ZRANB3: variants seen among roughly 807,000 people sequenced by gnomAD.
ZRANB3 encodes the protein zinc finger RANBP2-type containing 3, also known as DNA annealing helicase and endonuclease ZRANB3.
A neutral mutation model predicts 133.8 loss-of-function variants in ZRANB3; 125 were observed. The ratio of observed to expected loss-of-function variants is 0.93; its 90% confidence interval spans 0.81 to 1.08. ZRANB3 has a LOEUF of 1.08. Among genes scored for constraint, ZRANB3 ranks in the 50% least tolerant of loss-of-function variants. The pLI, the probability that ZRANB3 is intolerant of heterozygous loss-of-function variation, is 0.00. For synonymous variants in ZRANB3, 387 were observed against 432.7 expected (o/e 0.89, Z 1.31); for missense variants, 1,229 against 1,275.5 (o/e 0.96, Z 0.56).
At chr2:135,230,412 G>A in intron 13 of ZRANB3, 101 bp downstream of exon 13, 1 of 1,082,784 alleles carries the variant, frequency 9.2e-7, no homozygotes, top group Non-Finnish European at 1.2e-6. Flanking sequence ...AAGTTGTGCT[G>A]AGTCACACTA....
chr2:135,268,566 A>AT (rs1322181076), intron 11 of ZRANB3, among the ~76,000 whole-genome samples: 1 of 152,116 alleles, frequency 6.6e-6, no homozygotes, highest in African/African-American at 2.4e-5. Flanking sequence ...TCATTCCTAC[A>AT]TTTTCTAGAG....
chr2:135,402,944 C>T (rs748727739), intron 2 of ZRANB3, among the ~76,000 whole-genome samples: 6 of 152,052 alleles, frequency 3.9e-5, no homozygotes, highest in African/African-American at 1.2e-4. Context: ...GGCCATTCTT[C>T]CACTGCTATA....
At chr2:135,511,956 T>C in intron 1 of ZRANB3, 1 of 737,158 alleles carries the variant, frequency 1.4e-6, no homozygotes, top group Non-Finnish European at 2.5e-6. Context: ...CTTTGGTCAA[T>C]TCAAACTGAG....
At chr2:135,322,653 G>A (rs554483433) in intron 6 of ZRANB3, among the ~76,000 whole-genome samples, 2 of 152,102 alleles carry the variant, frequency 1.3e-5, no homozygotes, top group South Asian at 4.1e-4. Context: ...AGGAGGTTGA[G>A]GCTACAGTAA....
At chr2:135,525,429 C>T (rs531072106) in intron 1 of ZRANB3, among the ~76,000 whole-genome samples, 7 of 152,308 alleles carry the variant, frequency 4.6e-5, no homozygotes, top group South Asian at 2.1e-4. Context: ...AAAAAACCTA[C>T]TTCTAAAAGG....
intron 2 of ZRANB3, among the ~76,000 whole-genome samples, chr2:135,478,111 T>C (rs1436572000): frequency 6.6e-6 from 1 of 152,164 alleles, no homozygotes; most frequent in African/African-American, 2.4e-5. Flanking sequence ...TTCTTTTTGA[T>C]AAATTACCTA....
intron 8 of ZRANB3, among the ~76,000 whole-genome samples, chr2:135,296,497 GT>G (rs1245722969): frequency 6.6e-6 from 1 of 151,770 alleles, no homozygotes; most frequent in Non-Finnish European, 1.5e-5. Flanking sequence ...TTTTTTCAAG[GT>G]TTTTAACTTC....
At chr2:135,289,406 C>T (rs1403159123) in intron 8 of ZRANB3, among the ~76,000 whole-genome samples, 2 of 152,076 alleles carry the variant, frequency 1.3e-5, no homozygotes, top group Non-Finnish European at 2.9e-5. Flanking sequence ...TAGGTGCCTG[C>T]CACTGCGCAC....
intron 2 of ZRANB3, among the ~76,000 whole-genome samples, chr2:135,503,945 G>A (rs933764418): frequency 2.6e-5 from 4 of 151,964 alleles, no homozygotes; most frequent in Non-Finnish European, 5.9e-5. Flanking sequence ...ACTCCAGCCT[G>A]GGTGAAAGGG....
chr2:135,404,295 G>C (rs941387130), intron 2 of ZRANB3, among the ~76,000 whole-genome samples: 2 of 152,216 alleles, frequency 1.3e-5, no homozygotes, highest in Admixed American at 6.5e-5. Context: ...CGAGAACTAT[G>C]TGACAAATGT....
intron 12 of ZRANB3, among the ~76,000 whole-genome samples, chr2:135,260,649 CTATATATACTTGAATT>C (rs1010379993): frequency 4.8e-5 from 7 of 144,910 alleles, no homozygotes; most frequent in Non-Finnish European, 9.0e-5. Context: ...TATATATGTA[CTATATATACTTGAATT>C]TATATATACT....
chr2:135,420,039 C>T (rs1688764328), intron 2 of ZRANB3, among the ~76,000 whole-genome samples: 1 of 140,458 alleles, frequency 7.1e-6, no homozygotes. Flanking sequence ...TATATATGTA[C>T]CTTTTGTGTA....
chr2:135,420,817 GT>G (rs1688814442), intron 2 of ZRANB3, among the ~76,000 whole-genome samples: 1 of 152,154 alleles, frequency 6.6e-6, no homozygotes, highest in South Asian at 2.1e-4. Flanking sequence ...AGAAAAAGAT[GT>G]TTTTATGTAA....
chr2:135,382,030 C>A (rs1239790340), intron 3 of ZRANB3, among the ~76,000 whole-genome samples: 2 of 151,930 alleles, frequency 1.3e-5, no homozygotes, highest in African/African-American at 2.4e-5. Context: ...AGGCTTCAGA[C>A]GATCAAACTT....
intron 12 of ZRANB3, among the ~76,000 whole-genome samples, chr2:135,239,336 C>A (rs1017459356): frequency 6.6e-6 from 1 of 150,992 alleles, no homozygotes; most frequent in Non-Finnish European, 1.5e-5. Context: ...GGGTGCACAA[C>A]ACACTGTGAA....
chr2:135,509,288 G>A (rs568034661), intron 1 of ZRANB3, among the ~76,000 whole-genome samples: 3 of 152,228 alleles, frequency 2.0e-5, no homozygotes, highest in African/African-American at 7.2e-5. Flanking sequence ...TACAAATGCT[G>A]AACCATTTAG....
At chr2:135,345,697 G>A in intron 5 of ZRANB3, 62 bp from the exon 6 acceptor site, 3 of 1,195,370 alleles carry the variant, frequency 2.5e-6, no homozygotes, top group Non-Finnish European at 3.6e-6. Context: ...TTATTACAAT[G>A]ATAAAACCAT....
At chr2:135,214,936 G>T (rs998328463) in intron 17 of ZRANB3, among the ~76,000 whole-genome samples, 1 of 152,152 alleles carries the variant, frequency 6.6e-6, no homozygotes, top group Non-Finnish European at 1.5e-5. Context: ...TATTCATTTT[G>T]AGACAGGGTC....
At position 135,220,526 on chromosome 2, in the gene ZRANB3, C is replaced by T. The variant is rs930579836; in HGVS notation, c.2251-1348G>A. ...GAGCCTGACCAACATGGTGAAACCC[C>T]GTCTCTACTAAAAATATAAAAATTA... On this transcript the variant is annotated intron_variant, in intron 15 of 20. Coordinates refer to ENST00000264159, the MANE Select transcript of ZRANB3 (RefSeq NM_032143.4). Among the ~76,000 whole-genome samples the T allele has an allele frequency of 1.1e-4, 17 of 151,390 alleles. 1 individual carries two copies.
Sources: allele counts gnomAD v4.1 joint callset (sites outside exome capture counted in the v4.1 genomes callset), GRCh38; gene constraint gnomAD v4.1.1; transcripts MANE v1.5; gene names NCBI Gene and HGNC (gene_info 2026-07-23, HGNC 2026-07-21).